DRC8: variants seen among roughly 807,000 people sequenced by gnomAD.
DRC8 encodes the protein dynein regulatory complex subunit 8.
At chr1:245,031,375 T>TA in the DRC8 span, among the ~76,000 whole-genome samples, 1 of 151,978 alleles carries the variant, frequency 6.6e-6, no homozygotes, top group Non-Finnish European at 1.5e-5. Context: ...ACCTAGTTTT[T>TA]ACCAATGAAA....
At chr1:245,065,483 GT>G in the DRC8 span, among the ~76,000 whole-genome samples, 5 of 152,130 alleles carry the variant, frequency 3.3e-5, no homozygotes, top group African/African-American at 1.2e-4. Context: ...CCAGTAGCTT[GT>G]TTTTGTTCTT....
chr1:245,069,616 G>A, the DRC8 span, among the ~76,000 whole-genome samples: 2 of 152,204 alleles, frequency 1.3e-5, no homozygotes, highest in Admixed American at 1.3e-4. Context: ...AGTGGCCGGG[G>A]AATGGCGGAG....
the DRC8 span, among the ~76,000 whole-genome samples, chr1:244,985,373 A>G: frequency 1.3e-5 from 2 of 152,246 alleles, no homozygotes; most frequent in Admixed American, 6.5e-5. Flanking sequence ...TTCACATGTC[A>G]AATGAGGAGC....
chr1:245,022,720 CGT>C, the DRC8 span, among the ~76,000 whole-genome samples: 10 of 150,432 alleles, frequency 6.6e-5, no homozygotes, highest in South Asian at 2.1e-4. Context: ...TGTGCGTGTG[CGT>C]GTGTGTGTGT....
At chr1:244,979,765 T>C in the DRC8 span, among the ~76,000 whole-genome samples, 1 of 151,822 alleles carries the variant, frequency 6.6e-6, no homozygotes, top group Non-Finnish European at 1.5e-5. Flanking sequence ...GAAGGTGTAA[T>C]AGCACAGAGA....
the DRC8 span, among the ~76,000 whole-genome samples, chr1:245,094,691 C>T: frequency 6.6e-6 from 1 of 152,036 alleles, no homozygotes; most frequent in African/African-American, 2.4e-5. Flanking sequence ...GAGATGGCTA[C>T]GTTAGAGAAT....
chr1:245,071,066 C>T, the DRC8 span, among the ~76,000 whole-genome samples: 1 of 152,202 alleles, frequency 6.6e-6, no homozygotes, highest in Non-Finnish European at 1.5e-5. Context: ...ACCTCCATAA[C>T]TGCAAGCTGT....
the DRC8 span, among the ~76,000 whole-genome samples, chr1:245,010,190 A>G: frequency 6.6e-6 from 1 of 152,172 alleles, no homozygotes; most frequent in Non-Finnish European, 1.5e-5. Context: ...GGGCCGCACA[A>G]CAAGCTTGGC....
At chr1:245,080,742 A>G in the DRC8 span, among the ~76,000 whole-genome samples, 1 of 152,194 alleles carries the variant, frequency 6.6e-6, no homozygotes, top group South Asian at 2.1e-4. Flanking sequence ...AGACTACTGA[A>G]GAAGCTGCCT....
At chr1:245,031,560 A>G in the DRC8 span, among the ~76,000 whole-genome samples, 1 of 152,092 alleles carries the variant, frequency 6.6e-6, no homozygotes, top group South Asian at 2.1e-4. Context: ...GAGTTGTCGG[A>G]GGAAAGCCAT....
chr1:245,004,992 A>G, the DRC8 span, among the ~76,000 whole-genome samples: 1 of 152,192 alleles, frequency 6.6e-6, no homozygotes, highest in Non-Finnish European at 1.5e-5. Context: ...TAATGAAAAG[A>G]TGTTATGTAT....
chr1:245,092,508 G>T, the DRC8 span, among the ~76,000 whole-genome samples: 1 of 152,284 alleles, frequency 6.6e-6, no homozygotes, highest in East Asian at 1.9e-4. Context: ...GCCAGGCATG[G>T]TGGCTGCCTC....
the DRC8 span, among the ~76,000 whole-genome samples, chr1:245,112,022 A>C: frequency 6.6e-6 from 1 of 152,232 alleles, no homozygotes; most frequent in African/African-American, 2.4e-5. Flanking sequence ...TGACAGAGCA[A>C]GATCCTGTCT....
chr1:245,099,102 G>A, the DRC8 span, among the ~76,000 whole-genome samples: 1 of 152,110 alleles, frequency 6.6e-6, no homozygotes, highest in African/African-American at 2.4e-5. Context: ...GAGGCCTGGG[G>A]GTTTATGTGG....
At chr1:244,985,696 C>G in the DRC8 span, among the ~76,000 whole-genome samples, 3 of 151,572 alleles carry the variant, frequency 2.0e-5, no homozygotes, top group Non-Finnish European at 4.4e-5. Flanking sequence ...AAACCCCCGT[C>G]TCTACTAAAA....
the DRC8 span, among the ~76,000 whole-genome samples, chr1:245,111,264 A>G: frequency 6.6e-6 from 1 of 152,166 alleles, no homozygotes; most frequent in Non-Finnish European, 1.5e-5. Flanking sequence ...AGTCGAGACC[A>G]CCAAATGCAT....
chr1:245,108,505 C>CT, the DRC8 span, among the ~76,000 whole-genome samples: 1 of 152,166 alleles, frequency 6.6e-6, no homozygotes, highest in African/African-American at 2.4e-5. Context: ...TTAGTGTTCC[C>CT]AGGATTCTAG....
chr1:244,970,202 C>A, the DRC8 span: 1 of 741,504 alleles, frequency 1.3e-6, no homozygotes, highest in African/African-American at 1.8e-5. Flanking sequence ...GACGGGGCCT[C>A]TGGTCTTCCC....
the DRC8 span, among the ~76,000 whole-genome samples, chr1:245,060,029 C>T: frequency 3.9e-5 from 6 of 152,196 alleles, no homozygotes; most frequent in South Asian, 2.1e-4. Context: ...ATGCAGCATT[C>T]GGTTCAACAA....
Sources: allele counts gnomAD v4.1 joint callset (sites outside exome capture counted in the v4.1 genomes callset), GRCh38; gene constraint gnomAD v4.1.1; transcripts MANE v1.5; gene names NCBI Gene and HGNC (gene_info 2026-07-23, HGNC 2026-07-21).